Variants in ZBBX observed in about 807,000 individuals in gnomAD.
ZBBX encodes zinc finger B-box domain containing.
ZBBX carries 101 observed loss-of-function variants against 108.5 expected under a neutral mutation model. The observed-to-expected ratio is 0.93, with a 90% CI of 0.79 to 1.10. The LOEUF is 1.10. Ranked by LOEUF, ZBBX falls within the 50% of genes least tolerant of loss-of-function variation. The pLI, the probability that ZBBX is intolerant of heterozygous loss-of-function variation, is 0.00. For synonymous variants in ZBBX, 356 were observed against 323.4 expected (o/e 1.10, Z -1.08); for missense variants, 1,009 against 941.4 (o/e 1.07, Z -0.94).
intron 14 of ZBBX, 52 bp from the exon 15 acceptor site, chr3:167,315,881 A>G: frequency 1.8e-6 from 2 of 1,126,074 alleles, no homozygotes; most frequent in South Asian, 1.5e-5. Context: ...AATTTATTAC[A>G]CATTAACCAA....
intron 20 of ZBBX, among the ~76,000 whole-genome samples, chr3:167,271,999 A>G (rs182328466): frequency 6.6e-6 from 1 of 152,336 alleles, no homozygotes; most frequent in Admixed American, 6.5e-5. Flanking sequence ...TTGTCCCAAG[A>G]CCTAGACATT....
At chr3:167,368,185 A>G (rs1745627722) in intron 5 of ZBBX, among the ~76,000 whole-genome samples, 1 of 151,510 alleles carries the variant, frequency 6.6e-6, no homozygotes, top group Admixed American at 6.6e-5. Context: ...CCATAAATCA[A>G]TGAGAAGCCA....
At chr3:167,372,974 G>T (rs1746376056) in intron 3 of ZBBX, 24 bp from the exon 4 acceptor site, 3 of 1,167,252 alleles carry the variant, frequency 2.6e-6, no homozygotes, top group African/African-American at 1.6e-5. Flanking sequence ...AAAGACAAAA[G>T]AATTATGGCA....
chr3:167,238,177 A>T (rs1720306878), downstream of ZBBX, among the ~76,000 whole-genome samples: 1 of 151,990 alleles, frequency 6.6e-6, no homozygotes, highest in East Asian at 1.9e-4. Context: ...GCTCATTTTA[A>T]CTATAGATAC....
chr3:167,373,466 A>C (rs1320880487), intron 3 of ZBBX, among the ~76,000 whole-genome samples: 1 of 152,196 alleles, frequency 6.6e-6, no homozygotes, highest in African/African-American at 2.4e-5. Flanking sequence ...ATTTATGTAC[A>C]GCTGACCCTT....
At chr3:167,202,579 G>C in the ZBBX span, among the ~76,000 whole-genome samples, 1 of 152,014 alleles carries the variant, frequency 6.6e-6, no homozygotes, top group Non-Finnish European at 1.5e-5. Context: ...TGCAAACCCA[G>C]TCACAAGTTC....
the ZBBX span, among the ~76,000 whole-genome samples, chr3:167,219,226 A>G: frequency 3.9e-5 from 6 of 152,064 alleles, no homozygotes; most frequent in African/African-American, 1.4e-4. Context: ...CAGATAATCC[A>G]GACAGGAAAT....
At position 167,314,117 on chromosome 3, in the gene ZBBX, C is replaced by A; in HGVS notation, c.1275-1G>T. On this transcript the variant is annotated splice_acceptor_variant, in intron 15 of 21. Coordinates refer to ENST00000675490, the MANE Select transcript of ZBBX (RefSeq NM_001199201.2). LOFTEE classifies it high-confidence loss of function. ...CTTCTGACAATCATGAAAAGCACAA[C>A]TTTCACATGTAGGAACAAACAAAAT... The A allele has an allele frequency of 6.3e-7, 1 of 1,578,310 alleles. No individual in the cohort carries two copies. Among genetic ancestry groups the A allele is most frequent in the South Asian group, 1.2e-5 (1 of 83,398 alleles).
chr3:167,355,538 T>A (rs1285491812), intron 8 of ZBBX, among the ~76,000 whole-genome samples: 8 of 151,668 alleles, frequency 5.3e-5, no homozygotes. Flanking sequence ...GATATACATA[T>A]ATCTATATCT....
At chr3:167,390,799 G>T (rs1452837856) in intron 1 of ZBBX, among the ~76,000 whole-genome samples, 2 of 151,792 alleles carry the variant, frequency 1.3e-5, no homozygotes, top group Non-Finnish European at 2.9e-5. Flanking sequence ...TCTGTTATTG[G>T]TTTATAGAAT....
At chr3:167,371,786 AT>A (rs1746195384) in intron 4 of ZBBX, among the ~76,000 whole-genome samples, 1 of 152,228 alleles carries the variant, frequency 6.6e-6, no homozygotes, top group Non-Finnish European at 1.5e-5. Context: ...ATATATTTTT[AT>A]AACATTTCCA....
intron 4 of ZBBX, among the ~76,000 whole-genome samples, chr3:167,371,170 T>C (rs1451476451): frequency 6.6e-6 from 1 of 152,202 alleles, no homozygotes; most frequent in Non-Finnish European, 1.5e-5. Flanking sequence ...GGCCAGGGAA[T>C]AGTGATTCCA....
intron 1 of ZBBX, among the ~76,000 whole-genome samples, chr3:167,407,670 T>A (rs1248550270): frequency 3.3e-5 from 5 of 151,926 alleles, no homozygotes; most frequent in African/African-American, 1.2e-4. Flanking sequence ...AAAAAATATG[T>A]TTATTATTCA....
In ZBBX at chr3:167,392,255, G is replaced by T. The variant is rs76450403; in HGVS notation, c.-445-11850C>A. 3.2e-3 allele frequency among the ~76,000 whole-genome samples: 482 copies of T among 151,756 alleles called. 11 individuals carry two copies. In the South Asian group the frequency reaches 0.039, roughly 12 times the overall value. The stretch of plus-strand genomic sequence containing the variant: ...CAGTTTGTTCCCTGTCATTACTGAG[G>T]ACTATTCTACTGGATAAATATAACA... On this transcript the variant is annotated intron_variant, in intron 1 of 21. Transcript: ENST00000455345.
chr3:167,279,498 T>C (rs1429568435), intron 20 of ZBBX, among the ~76,000 whole-genome samples: 1 of 150,854 alleles, frequency 6.6e-6, no homozygotes, highest in African/African-American at 2.4e-5. Context: ...CCATTCACAA[T>C]TGCTTCAAAG....
At chr3:167,221,056 G>C in the ZBBX span, among the ~76,000 whole-genome samples, 1 of 151,574 alleles carries the variant, frequency 6.6e-6, no homozygotes, top group South Asian at 2.1e-4. Context: ...TGAAAGAAAT[G>C]GAAAAGAACA....
intron 14 of ZBBX, 58 bp downstream of exon 14, chr3:167,316,947 T>C (rs1197587947): frequency 5.1e-6 from 5 of 980,716 alleles, no homozygotes; most frequent in African/African-American, 3.3e-5. Context: ...GATGTAAGTA[T>C]ACATTATGAA....
chr3:167,381,626 C>T (rs1747729231), upstream of ZBBX, among the ~76,000 whole-genome samples: 1 of 152,176 alleles, frequency 6.6e-6, no homozygotes, highest in Non-Finnish European at 1.5e-5. Context: ...CTTGCACAGA[C>T]TATTTCCCAT....
At chr3:167,307,434 A>G in intron 16 of ZBBX, among the ~76,000 whole-genome samples, 1 of 152,272 alleles carries the variant, frequency 6.6e-6, no homozygotes, top group South Asian at 2.1e-4. Flanking sequence ...CAGAATACAA[A>G]ATCAATGTGC....
Sources: gnomAD v4.1 joint callset for allele counts (sites outside exome capture counted in the v4.1 genomes callset) on GRCh38, gnomAD v4.1.1 for gene constraint, MANE v1.5 for transcripts, NCBI Gene and HGNC (gene_info 2026-07-23, HGNC 2026-07-21) for gene names.